Variants in OTOGL observed in about 807,000 individuals in gnomAD.
The protein encoded by OTOGL is otogelin-like protein.
OTOGL carries 285 observed loss-of-function variants against 318.5 expected under a neutral mutation model. The observed-to-expected ratio is 0.89, with a 90% CI of 0.81 to 0.99. The LOEUF is 0.99. OTOGL is among the 50% of genes least tolerant of loss of function. OTOGL has a pLI of 0.00. For synonymous variants in OTOGL, 987 were observed against 936.5 expected, an observed-to-expected ratio of 1.05 and a Z score of -0.99; for missense variants, 2,899 against 2,845.6, an observed-to-expected ratio of 1.02 and a Z score of -0.43.
chr12:80,145,032 T>C (rs1872245699), intron 1 of OTOGL, among the ~76,000 whole-genome samples: 1 of 151,642 alleles, frequency 6.6e-6, no homozygotes, highest in Non-Finnish European at 1.5e-5. Flanking sequence ...TGGTAGTTTC[T>C]TTTGCTGTAC....
At chr12:80,155,547 G>C (rs1202170114) in intron 1 of OTOGL, among the ~76,000 whole-genome samples, 2 of 152,166 alleles carry the variant, frequency 1.3e-5, no homozygotes, top group Non-Finnish European at 2.9e-5. Flanking sequence ...ATGCAGGCAT[G>C]CAATGCATAA....
chr12:80,353,855 G>A (rs1889713514), intron 46 of OTOGL, among the ~76,000 whole-genome samples: 1 of 152,194 alleles, frequency 6.6e-6, no homozygotes, highest in African/African-American at 2.4e-5. Flanking sequence ...TTATGCATCT[G>A]GAAAGTGAGG....
At chr12:80,273,687 A>C (rs138096971) in intron 24 of OTOGL, among the ~76,000 whole-genome samples, 1 of 152,100 alleles carries the variant, frequency 6.6e-6, no homozygotes, top group East Asian at 1.9e-4. Context: ...ACTTTGTTTC[A>C]TTGTGTGTTT....
At chr12:80,105,513 C>T (rs1035769056) in intron 1 of OTOGL, among the ~76,000 whole-genome samples, 12 of 152,140 alleles carry the variant, frequency 7.9e-5, no homozygotes, top group African/African-American at 2.6e-4. Flanking sequence ...ATCTTTGTAC[C>T]ATATATTATT....
intron 18 of OTOGL, among the ~76,000 whole-genome samples, chr12:80,259,572 CCT>C (rs926082602): frequency 1.3e-5 from 2 of 151,932 alleles, no homozygotes; most frequent in African/African-American, 2.4e-5. Context: ...GTGATACTCC[CCT>C]CTCTGTGTCC....
At chr12:80,196,835 CT>C (rs1310946943) in intron 1 of OTOGL, among the ~76,000 whole-genome samples, 1 of 152,160 alleles carries the variant, frequency 6.6e-6, no homozygotes, top group African/African-American at 2.4e-5. Context: ...GGATTTCCTC[CT>C]CTAGGCCAGG....
chr12:80,294,893 C>T (rs1885278443), intron 26 of OTOGL, among the ~76,000 whole-genome samples: 1 of 152,030 alleles, frequency 6.6e-6, no homozygotes, highest in Non-Finnish European at 1.5e-5. Context: ...TTGAGACCGG[C>T]CTGGGTAAAC....
At chr12:80,251,914 G>A in intron 12 of OTOGL, 115 bp downstream of exon 12, 1 of 1,186,044 alleles carries the variant, frequency 8.4e-7, no homozygotes, top group Non-Finnish European at 1.1e-6. Flanking sequence ...TTGTTATTGA[G>A]ATATCCATGA....
At chr12:80,318,799 ATGT>A in intron 33 of OTOGL, 86 bp downstream of exon 33, 1 of 996,646 alleles carries the variant, frequency 1.0e-6, no homozygotes, top group Non-Finnish European at 1.3e-6. Flanking sequence ...AGAATCTAAT[ATGT>A]TTATGGTATT....
chr12:80,375,364 A>G (rs985617199), intron 57 of OTOGL, among the ~76,000 whole-genome samples: 3 of 152,224 alleles, frequency 2.0e-5, no homozygotes, highest in African/African-American at 4.8e-5. Context: ...CCTACATGAC[A>G]AACATCTTTT....
At chr12:80,106,130 C>T (rs1402026065) in intron 1 of OTOGL, among the ~76,000 whole-genome samples, 1 of 152,256 alleles carries the variant, frequency 6.6e-6, no homozygotes, top group South Asian at 2.1e-4. Flanking sequence ...GCCATTGTGC[C>T]CCATTTGGAT....
intron 26 of OTOGL, among the ~76,000 whole-genome samples, chr12:80,289,939 G>A (rs1884921775): frequency 6.6e-6 from 1 of 151,918 alleles, no homozygotes; most frequent in African/African-American, 2.4e-5. Flanking sequence ...GTGCCTCTGG[G>A]GTATGAAAAA....
chr12:80,253,587 T>C lies in OTOGL; in HGVS notation c.1394+13T>C, dbSNP rs1565931590. ...AATGTACTGAATGGTATGTGATCAG[T>C]GTGCAGCCAATTATTTCTGGGTACT... On this transcript the variant is annotated intron_variant, in intron 14 of 58. Coordinates refer to ENST00000547103, the MANE Select transcript of OTOGL (RefSeq NM_001378609.3). 6.3e-7 allele frequency: 1 copy of C among 1,576,532 alleles called. No individual in the cohort carries two copies. The highest frequency in any genetic ancestry group is 8.7e-7 in the Non-Finnish European group (1 of 1,146,756).
intron 1 of OTOGL, among the ~76,000 whole-genome samples, chr12:80,114,921 G>A (rs1870070171): frequency 6.6e-6 from 1 of 151,094 alleles, no homozygotes; most frequent in Non-Finnish European, 1.5e-5. Flanking sequence ...ATTGATACTT[G>A]TGTATACTTC....
At chr12:80,179,627 A>G (rs1029062739) in intron 1 of OTOGL, among the ~76,000 whole-genome samples, 23 of 152,306 alleles carry the variant, frequency 1.5e-4, no homozygotes, top group Non-Finnish European at 2.9e-5. Flanking sequence ...GCATCTTTGA[A>G]TAAGGAATCA....
At chr12:80,150,684 G>A (rs1038959673) in intron 1 of OTOGL, among the ~76,000 whole-genome samples, 1 of 152,114 alleles carries the variant, frequency 6.6e-6, no homozygotes, top group Non-Finnish European at 1.5e-5. Flanking sequence ...GTTCACCTTT[G>A]GTGAGTCATG....
intron 37 of OTOGL, among the ~76,000 whole-genome samples, 190 bp downstream of exon 37, chr12:80,329,309 C>T (rs1362850870): frequency 6.6e-6 from 1 of 152,128 alleles, no homozygotes; most frequent in Non-Finnish European, 1.5e-5. Context: ...AACTTCTGGC[C>T]TCAAAGGATT....
At position 80,302,701 on chromosome 12, in the gene OTOGL, T is replaced by A; in HGVS notation, c.3131T>A (p.Val1044Glu). The A allele has an allele frequency of 6.5e-7, 1 of 1,531,514 alleles. No homozygotes were observed. Among genetic ancestry groups the A allele is most frequent in the Non-Finnish European group, 8.7e-7 (1 of 1,142,998 alleles). 94.9% of individuals were successfully genotyped at this position (1,531,514 alleles called of 1,614,324 possible). ...CTTTGGAAGGCTGGTTACTATATAG[T>A]AGTATACTTTCCAGAGAAAGATATC... ...YQLWKAGYYI[V>E]VYFPEKDITI... The change falls in exon 28 of 59, where the codon GTA becomes GAA. Residue 1044 changes from valine (V) to glutamate (E), a missense_variant. Physicochemically the swap from Val to Glu is moderately radical, Grantham distance 121 (BLOSUM62 -2). Around this residue, in one of 3 missense-constraint regions of OTOGL, gnomAD observed 2,607 missense variants for 2,524.9 expected, o/e 1.03. Transcript: ENST00000547103.
chr12:80,323,847 A>G lies in OTOGL; in HGVS notation c.4199+7A>G. On this transcript the variant is annotated splice_region_variant and intron_variant, in intron 35 of 58. Transcript: ENST00000547103. The stretch of plus-strand genomic sequence containing the variant: ...CATGTAAATTTCTTCCACCGTAAGT[A>G]ACGTTTACCAATAAGTGATCAAAGT... 6.3e-7 allele frequency: 1 copy of G among 1,585,858 alleles called. No individual in the cohort carries two copies. Among genetic ancestry groups the G allele is most frequent in the Non-Finnish European group, 8.7e-7 (1 of 1,154,610 alleles).
Sources: gnomAD v4.1 joint callset for allele counts (sites outside exome capture counted in the v4.1 genomes callset) on GRCh38, gnomAD v4.1.1 for gene constraint, gnomAD v4.1.1 regional missense constraint, MANE v1.5 for transcripts, NCBI Gene and HGNC (gene_info 2026-07-23, HGNC 2026-07-21) for gene names.